ERI1: variants seen among roughly 807,000 people sequenced by gnomAD.
ERI1 encodes the protein exoribonuclease 1, also known as 3'-5' exoribonuclease 1.
In ERI1, 39 loss-of-function variants were observed where a neutral mutation model predicts 39.7. The observed-to-expected ratio is 0.98, with a 90% CI of 0.76 to 1.28. The LOEUF (loss-of-function observed/expected upper bound fraction) is 1.28, where lower values mean the gene tolerates loss of function less well. ERI1 is among the 50% of genes most tolerant of loss of function. ERI1 has a pLI of 0.00. For synonymous variants in ERI1, 204 were observed against 149.6 expected, an observed-to-expected ratio of 1.36 and a Z score of -2.65; for missense variants, 581 against 416.9, an observed-to-expected ratio of 1.39 and a Z score of -3.43.
In ERI1 at chr8:9,002,941, C is replaced by G; in HGVS notation, c.-123C>G. ...AGGTGGCCGCTGGAGTTTGTGTGGC[C>G]GCCGCCGCGGGAACGCGAGCCCGGT... On this transcript the variant is annotated 5_prime_UTR_variant, in exon 1 of 7. Transcript: ENST00000250263. 4.3e-6 allele frequency: 3 copies of G among 699,144 alleles called. No individual in the cohort carries two copies. The highest frequency in any genetic ancestry group is 6.0e-6 in the Non-Finnish European group (3 of 500,834). The allele number at this position is 699,144 out of a possible 1,614,324, so 43.3% of individuals were successfully genotyped here.
intron 3 of ERI1, among the ~76,000 whole-genome samples, chr8:9,063,722 C>T (rs764431626): frequency 6.6e-6 from 1 of 152,130 alleles, no homozygotes; most frequent in Admixed American, 6.5e-5. Context: ...GCCCATTTTA[C>T]AACAAGAATT....
At chr8:9,098,609 C>T (rs1386996565) in intron 3 of ERI1, among the ~76,000 whole-genome samples, 3 of 152,046 alleles carry the variant, frequency 2.0e-5, no homozygotes, top group Non-Finnish European at 4.4e-5. Flanking sequence ...AAGACTACAC[C>T]TTGGGTACAG....
At chr8:9,020,572 A>T in intron 6 of ERI1, 108 bp downstream of exon 6, 1 of 680,644 alleles carries the variant, frequency 1.5e-6, no homozygotes, top group South Asian at 2.1e-5. Context: ...GAAAAAAGCC[A>T]TATAATTAGT....
At chr8:9,054,236 T>G (rs1471837639) in intron 3 of ERI1, among the ~76,000 whole-genome samples, 7 of 152,212 alleles carry the variant, frequency 4.6e-5, no homozygotes, top group African/African-American at 1.7e-4. Flanking sequence ...CATGGCAGGC[T>G]CCCATTAGAA....
intron 3 of ERI1, among the ~76,000 whole-genome samples, chr8:9,013,786 C>G (rs979247976): frequency 3.3e-5 from 5 of 152,136 alleles, no homozygotes; most frequent in South Asian, 2.1e-4. Context: ...TTGCTCAGTT[C>G]AAAAACTTTG....
chr8:9,081,003 C>T (rs777865808), intron 3 of ERI1, among the ~76,000 whole-genome samples: 28 of 152,230 alleles, frequency 1.8e-4, no homozygotes, highest in Non-Finnish European at 4.0e-4. Flanking sequence ...TTAATTGACT[C>T]ACAGTTCCTC....
chr8:9,045,879 G>A (rs935503101), intron 3 of ERI1, among the ~76,000 whole-genome samples: 3 of 151,624 alleles, frequency 2.0e-5, no homozygotes, highest in Non-Finnish European at 2.9e-5. Context: ...GGGTTGCACC[G>A]TGTTGGCCAG....
At chr8:9,074,605 C>G (rs1476713849) in intron 3 of ERI1, among the ~76,000 whole-genome samples, 1 of 151,996 alleles carries the variant, frequency 6.6e-6, no homozygotes, top group Non-Finnish European at 1.5e-5. Flanking sequence ...TTATGCCCAG[C>G]TAATTTTTTG....
chr8:9,046,412 C>G (rs968184070), intron 3 of ERI1, among the ~76,000 whole-genome samples: 1 of 152,184 alleles, frequency 6.6e-6, no homozygotes, highest in African/African-American at 2.4e-5. Context: ...CTCTGCAGTT[C>G]CTGAGGCCAC....
At chr8:9,018,513 G>C (rs367674649) in intron 5 of ERI1, 107 bp downstream of exon 5, 5 of 639,708 alleles carry the variant, frequency 7.8e-6, no homozygotes, top group South Asian at 2.2e-5. Flanking sequence ...AGAGACCCTA[G>C]AGTCTCACCC....
At chr8:9,052,253 C>T (rs976364369) in intron 3 of ERI1, among the ~76,000 whole-genome samples, 19 of 152,260 alleles carry the variant, frequency 1.2e-4, no homozygotes, top group African/African-American at 4.3e-4. Context: ...GTTTTTGTCT[C>T]TCTCTGTGTT....
intron 3 of ERI1, among the ~76,000 whole-genome samples, chr8:9,072,767 G>A (rs1799094383): frequency 6.6e-6 from 1 of 152,126 alleles, no homozygotes. Flanking sequence ...GGAACAGAGT[G>A]ACCCCCCACC....
intron 3 of ERI1, among the ~76,000 whole-genome samples, chr8:9,091,763 T>G (rs1321746324): frequency 6.6e-6 from 1 of 152,118 alleles, no homozygotes; most frequent in African/African-American, 2.4e-5. Flanking sequence ...TATTCCCAGT[T>G]TCCAAAAATG....
chr8:9,045,722 G>A (rs1798153250), intron 3 of ERI1, among the ~76,000 whole-genome samples: 1 of 149,974 alleles, frequency 6.7e-6, no homozygotes, highest in Non-Finnish European at 1.5e-5. Flanking sequence ...TGTCACCCAG[G>A]CTAGAGGGCA....
At chr8:9,005,819 C>T (rs930858436) in intron 1 of ERI1, among the ~76,000 whole-genome samples, 1 of 152,154 alleles carries the variant, frequency 6.6e-6, no homozygotes, top group African/African-American at 2.4e-5. Flanking sequence ...AAGTAGTTTG[C>T]CACAAGATAG....
intron 3 of ERI1, among the ~76,000 whole-genome samples, chr8:9,013,984 G>C (rs771290223): frequency 1.3e-5 from 2 of 152,054 alleles, no homozygotes; most frequent in African/African-American, 2.4e-5. Flanking sequence ...GTCTGTGTCC[G>C]CCTACAACCA....
At chr8:9,048,831 A>T (rs556673565) in intron 3 of ERI1, among the ~76,000 whole-genome samples, 1 of 151,834 alleles carries the variant, frequency 6.6e-6, no homozygotes, top group African/African-American at 2.4e-5. Context: ...TTTTTAGTGG[A>T]GATGGGGTCT....
chr8:9,095,620 A>G (rs1281235696), intron 3 of ERI1, among the ~76,000 whole-genome samples: 1 of 152,008 alleles, frequency 6.6e-6, no homozygotes, highest in Non-Finnish European at 1.5e-5. Flanking sequence ...TCCCTGCTTC[A>G]GGTGATCCTC....
intron 3 of ERI1, among the ~76,000 whole-genome samples, chr8:9,089,599 C>A (rs1241385469): frequency 6.6e-6 from 1 of 152,198 alleles, no homozygotes; most frequent in Non-Finnish European, 1.5e-5. Context: ...TGAGTGGAGA[C>A]TCCTGGCTCT....
Sources: gnomAD v4.1 joint callset for allele counts (sites outside exome capture counted in the v4.1 genomes callset) on GRCh38, gnomAD v4.1.1 for gene constraint, MANE v1.5 for transcripts, NCBI Gene and HGNC (gene_info 2026-07-23, HGNC 2026-07-21) for gene names.